Variants in SYT14 observed in about 807,000 individuals in gnomAD.
SYT14 encodes synaptotagmin 14.
A neutral mutation model predicts 74.2 loss-of-function variants in SYT14; 32 were observed. The ratio of observed to expected loss-of-function variants is 0.43; its 90% CI spans 0.33 to 0.58. SYT14 has a LOEUF of 0.58. SYT14 is among the 20% of genes least tolerant of loss of function. The pLI is 0.05. For synonymous variants in SYT14, 298 were observed against 337.7 expected (o/e 0.88, Z 1.29); for missense variants, 791 against 981.8 (o/e 0.81, Z 2.60).
chr1:210,097,809 C>T (rs2081992490), intron 6 of SYT14, among the ~76,000 whole-genome samples: 1 of 152,084 alleles, frequency 6.6e-6, no homozygotes, highest in Non-Finnish European at 1.5e-5. Flanking sequence ...GAATTTATTT[C>T]TTCTCCCCAA....
At chr1:210,016,377 G>A (rs2080182768) in exon 4 of SYT14, 1 of 1,231,954 alleles carries the variant, frequency 8.1e-7, no homozygotes. Flanking sequence ...GTTAATGATA[G>A]GCAACAAACT....
At chr1:210,109,735 A>C (rs1286962685) in intron 7 of SYT14, among the ~76,000 whole-genome samples, 1 of 152,192 alleles carries the variant, frequency 6.6e-6, no homozygotes, top group Non-Finnish European at 1.5e-5. Context: ...CTAGAACCAG[A>C]AATACCATTT....
intron 2 of SYT14, among the ~76,000 whole-genome samples, chr1:209,957,026 C>A (rs1295887859): frequency 6.6e-6 from 1 of 151,832 alleles, no homozygotes; most frequent in Non-Finnish European, 1.5e-5. Flanking sequence ...AAGCTATGTA[C>A]AAAGACTGCC....
rs1203865373 is a variant in SYT14 at position 210,033,758 on chromosome 1, C to G, written c.1312+12504C>G. ...TTAACCAATCTTTTAGTCATTGTGC[C>G]TTGATTTTAGTAGGTAAGTGAAAAA... On this transcript the variant is annotated intron_variant, in intron 5 of 9. Transcript: ENST00000637265. Among the ~76,000 whole-genome samples the G allele has an allele frequency of 1.6e-4, 24 of 151,554 alleles. 1 individual carries two copies. The highest frequency in any genetic ancestry group is 1.6e-3 in the Admixed American group (24 of 15,184).
At chr1:209,967,025 TAGA>T (rs58209438) in intron 2 of SYT14, among the ~76,000 whole-genome samples, 20,743 of 152,096 alleles carry the variant, frequency 0.14, 4,403 homozygotes, top group African/African-American at 0.46. Context: ...TCTGAAAATT[TAGA>T]AGGAGTGATT....
intron 2 of SYT14, among the ~76,000 whole-genome samples, chr1:209,966,672 A>G (rs1161636328): frequency 6.6e-6 from 1 of 152,202 alleles, no homozygotes; most frequent in Non-Finnish European, 1.5e-5. Flanking sequence ...CGTTTTATAC[A>G]TTATTTTGTA....
At chr1:210,155,100 T>G (rs2083241328) in intron 7 of SYT14, among the ~76,000 whole-genome samples, 1 of 152,192 alleles carries the variant, frequency 6.6e-6, no homozygotes, top group African/African-American at 2.4e-5. Context: ...TGCATCCAAA[T>G]TTGGGATTAT....
At chr1:209,969,072 T>G (rs565577023) in intron 2 of SYT14, among the ~76,000 whole-genome samples, 11 of 152,176 alleles carry the variant, frequency 7.2e-5, no homozygotes, top group African/African-American at 2.4e-4. Context: ...GTAGAGGACG[T>G]GATTTCATTA....
intron 2 of SYT14, among the ~76,000 whole-genome samples, chr1:210,004,565 T>C (rs190859461): frequency 3.5e-4 from 54 of 152,174 alleles, no homozygotes; most frequent in South Asian, 1.2e-3. Context: ...TCAGTTAATG[T>C]TGATTTGGTG....
At chr1:210,033,281 C>T (rs1391637076) in intron 5 of SYT14, among the ~76,000 whole-genome samples, 1 of 151,744 alleles carries the variant, frequency 6.6e-6, no homozygotes, top group Non-Finnish European at 1.5e-5. Context: ...TAATATGTTT[C>T]TCTGGCTTCA....
At chr1:210,121,051 G>C (rs887186800) in intron 7 of SYT14, among the ~76,000 whole-genome samples, 1 of 152,162 alleles carries the variant, frequency 6.6e-6, no homozygotes, top group African/African-American at 2.4e-5. Flanking sequence ...TCACATCATG[G>C]ATCCCACTTC....
intron 7 of SYT14, among the ~76,000 whole-genome samples, chr1:210,137,764 T>G (rs1051946343): frequency 2.7e-5 from 4 of 149,482 alleles, no homozygotes; most frequent in African/African-American, 9.8e-5. Flanking sequence ...CACTGCAACC[T>G]CCGCCTCCTG....
intron 7 of SYT14, among the ~76,000 whole-genome samples, chr1:210,147,993 T>C (rs1317078090): frequency 6.6e-6 from 1 of 152,024 alleles, no homozygotes; most frequent in African/African-American, 2.4e-5. Context: ...AACTCCATGA[T>C]TGAGGAGTAA....
At chr1:210,024,948 A>G (rs766493811) in intron 5 of SYT14, among the ~76,000 whole-genome samples, 2 of 151,046 alleles carry the variant, frequency 1.3e-5, no homozygotes, top group Non-Finnish European at 2.9e-5. Flanking sequence ...ATCATTTTCA[A>G]TTAGAGTTTT....
In SYT14 at chr1:209,998,470, TA is replaced by T. The variant is rs959600341; in HGVS notation, c.-485-15155del. 1.8e-4 allele frequency among the ~76,000 whole-genome samples: 27 copies of T among 151,554 alleles called. 1 individual carries two copies. Among genetic ancestry groups the T allele is most frequent in the Middle Eastern group, 3.4e-3 (1 of 294 alleles). On this transcript the variant is annotated intron_variant, in intron 2 of 9. Transcript: ENST00000637265. ...AACAACTCTAGAATTTGTATAGAACTAAAAAAAATACCCCAAATAGTCAAAA... is the reference window on the plus strand; with the variant it reads ...AACAACTCTAGAATTTGTATAGAACTAAAAAAATACCCCAAATAGTCAAAA...
intron 7 of SYT14, among the ~76,000 whole-genome samples, chr1:210,137,767 G>A (rs2082820406): frequency 6.8e-6 from 1 of 147,556 alleles, no homozygotes; most frequent in Non-Finnish European, 1.5e-5. Flanking sequence ...TGCAACCTCC[G>A]CCTCCTGGGT....
chr1:210,043,047 T>A (rs1218255709), intron 5 of SYT14, among the ~76,000 whole-genome samples: 2 of 152,182 alleles, frequency 1.3e-5, no homozygotes, highest in Non-Finnish European at 2.9e-5. Flanking sequence ...GGTTTGTAGT[T>A]CTCCTTGAAG....
chr1:210,132,161 C>G (rs1350065626), intron 7 of SYT14, among the ~76,000 whole-genome samples: 3 of 151,998 alleles, frequency 2.0e-5, no homozygotes, highest in Admixed American at 2.0e-4. Flanking sequence ...TTTACCCCAC[C>G]AAGGCTCTAC....
At chr1:210,056,992 A>AC (rs1030274283) in intron 5 of SYT14, among the ~76,000 whole-genome samples, 4 of 151,752 alleles carry the variant, frequency 2.6e-5, no homozygotes, top group African/African-American at 9.7e-5. Flanking sequence ...TTACAGGCGC[A>AC]CACCACCACA....
Sources: allele counts gnomAD v4.1 joint callset (sites outside exome capture counted in the v4.1 genomes callset), GRCh38; gene constraint gnomAD v4.1.1; transcripts MANE v1.5; gene names NCBI Gene and HGNC (gene_info 2026-07-23, HGNC 2026-07-21).